Variants in TENM2 observed in about 807,000 individuals in gnomAD.
TENM2 encodes teneurin-2.
TENM2 carries 52 observed loss-of-function variants against 245.2 expected under a neutral mutation model. That is an observed-to-expected ratio of 0.21 (90% CI 0.17 to 0.27). TENM2 has a LOEUF of 0.27. Ranked by LOEUF, TENM2 falls within the 10% of genes least tolerant of loss-of-function variation. The pLI is 1.00. For missense variants in TENM2, 3,046 were observed against 3,666.8 expected (o/e 0.83, Z 4.37); for synonymous variants, 1,363 against 1,438.9 (o/e 0.95, Z 1.19).
At chr5:166,999,429 C>T in the TENM2 span, among the ~76,000 whole-genome samples, 2 of 152,124 alleles carry the variant, frequency 1.3e-5, no homozygotes, top group African/African-American at 4.8e-5. Flanking sequence ...GCATAGAAGG[C>T]AGATTGTCTG....
intron 2 of TENM2, among the ~76,000 whole-genome samples, chr5:167,436,431 T>TA (rs1305770884): frequency 6.6e-6 from 1 of 152,108 alleles, no homozygotes; most frequent in African/African-American, 2.4e-5. Flanking sequence ...TGGGTGCTGT[T>TA]AAAGGTATTC....
intron 2 of TENM2, among the ~76,000 whole-genome samples, chr5:167,532,158 G>T (rs1771545614): frequency 6.6e-6 from 1 of 152,048 alleles, no homozygotes; most frequent in East Asian, 1.9e-4. Flanking sequence ...CAAATAAATT[G>T]CCTGACGTCT....
At chr5:167,316,830 T>C (rs995664543) in intron 1 of TENM2, among the ~76,000 whole-genome samples, 2 of 152,176 alleles carry the variant, frequency 1.3e-5, no homozygotes, top group Non-Finnish European at 2.9e-5. Context: ...TAATTACAGT[T>C]AGAATCTGGT....
chr5:167,104,279 G>A, the TENM2 span, among the ~76,000 whole-genome samples: 781 of 152,204 alleles, frequency 5.1e-3, 8 homozygotes, highest in African/African-American at 0.018. Flanking sequence ...ACATGTTTTG[G>A]CAATAAGAGA....
intron 24 of TENM2, among the ~76,000 whole-genome samples, chr5:168,227,645 A>C (rs1486630450): frequency 6.6e-6 from 1 of 151,948 alleles, no homozygotes; most frequent in East Asian, 1.9e-4. Context: ...GTCTTCAGTG[A>C]GTAAAAGAAA....
At chr5:167,299,780 T>C (rs937517999) in intron 1 of TENM2, among the ~76,000 whole-genome samples, 4 of 151,780 alleles carry the variant, frequency 2.6e-5, no homozygotes. Flanking sequence ...GGGTCAGGTG[T>C]GGTATCTGGA....
chr5:167,862,933 A>G (rs1361045867), intron 2 of TENM2, among the ~76,000 whole-genome samples: 1 of 152,040 alleles, frequency 6.6e-6, no homozygotes, highest in Non-Finnish European at 1.5e-5. Flanking sequence ...TGACACTACT[A>G]CCATTTCCAG....
At chr5:167,244,706 G>A in the TENM2 span, among the ~76,000 whole-genome samples, 1 of 152,134 alleles carries the variant, frequency 6.6e-6, no homozygotes, top group African/African-American at 2.4e-5. Flanking sequence ...ACCTCCGAGG[G>A]ATAGGTGCTG....
intron 1 of TENM2, among the ~76,000 whole-genome samples, chr5:167,326,364 TATACGTACTCTTAAA>T (rs1180160240): frequency 6.6e-6 from 1 of 152,126 alleles, no homozygotes; most frequent in Admixed American, 6.6e-5. Context: ...GTAGTAATTT[TATACGTACTCTTAAA>T]ATAGGATAAA....
intron 2 of TENM2, among the ~76,000 whole-genome samples, chr5:167,641,186 G>A (rs940583801): frequency 4.0e-5 from 6 of 151,802 alleles, no homozygotes; most frequent in African/African-American, 1.5e-4. Context: ...GTTTATAGAA[G>A]TTCATTGCAA....
At chr5:168,188,214 G>C (rs1760644059) in intron 13 of TENM2, among the ~76,000 whole-genome samples, 1 of 152,176 alleles carries the variant, frequency 6.6e-6, no homozygotes, top group African/African-American at 2.4e-5. Context: ...AAATTACACT[G>C]TAGTAAATTT....
At chr5:168,219,592 G>A (rs1315883341) in intron 23 of TENM2, among the ~76,000 whole-genome samples, 1 of 152,070 alleles carries the variant, frequency 6.6e-6, no homozygotes, top group Non-Finnish European at 1.5e-5. Flanking sequence ...GGCAGTTCTT[G>A]GTCAAAGTGT....
chr5:167,142,512 C>T, the TENM2 span, among the ~76,000 whole-genome samples: 1 of 151,872 alleles, frequency 6.6e-6, no homozygotes, highest in African/African-American at 2.4e-5. Flanking sequence ...AGAACAAACA[C>T]ATAGAAGTAT....
intron 5 of TENM2, among the ~76,000 whole-genome samples, chr5:168,020,326 C>T (rs942926932): frequency 6.6e-6 from 1 of 152,178 alleles, no homozygotes; most frequent in African/African-American, 2.4e-5. Flanking sequence ...ACCCTTAGAC[C>T]TCAAGCGAAG....
At chr5:167,641,250 C>T (rs548004700) in intron 2 of TENM2, among the ~76,000 whole-genome samples, 5 of 152,190 alleles carry the variant, frequency 3.3e-5, no homozygotes, top group Admixed American at 2.6e-4. Context: ...TGCATCAATA[C>T]GTGTCGCCTA....
the TENM2 span, among the ~76,000 whole-genome samples, chr5:167,230,839 G>A: frequency 6.6e-6 from 1 of 152,266 alleles, no homozygotes; most frequent in East Asian, 1.9e-4. Flanking sequence ...AAGTGATATG[G>A]TTACGCTATG....
At chr5:168,008,181 G>T (rs1368895241) in intron 5 of TENM2, among the ~76,000 whole-genome samples, 1 of 152,190 alleles carries the variant, frequency 6.6e-6, no homozygotes, top group Non-Finnish European at 1.5e-5. Context: ...GACCTGGGAA[G>T]ATGGTTAGAA....
intron 1 of TENM2, among the ~76,000 whole-genome samples, chr5:167,361,346 G>C (rs1304637861): frequency 6.6e-6 from 1 of 152,090 alleles, no homozygotes; most frequent in East Asian, 1.9e-4. Context: ...TCCATCTCCA[G>C]AAATAATTGC....
chr5:167,523,446 A>G (rs1056068447), intron 2 of TENM2, among the ~76,000 whole-genome samples: 1 of 152,108 alleles, frequency 6.6e-6, no homozygotes, highest in Non-Finnish European at 1.5e-5. Context: ...ATTCAATTCA[A>G]TTCAACAAGC....
Sources: gnomAD v4.1 joint callset for allele counts (sites outside exome capture counted in the v4.1 genomes callset) on GRCh38, gnomAD v4.1.1 for gene constraint, MANE v1.5 for transcripts, NCBI Gene and HGNC (gene_info 2026-07-23, HGNC 2026-07-21) for gene names.